Variants in OSBPL10 observed in about 807,000 individuals in gnomAD.
OSBPL10 encodes oxysterol-binding protein-related protein 10.
A neutral mutation model predicts 81.7 loss-of-function variants in OSBPL10; 49 were observed. The observed-to-expected ratio is 0.60, with a 90% CI of 0.48 to 0.76. OSBPL10 has a LOEUF of 0.76. Ranked by LOEUF, OSBPL10 falls within the 30% of genes least tolerant of loss-of-function variation. The probability of loss-of-function intolerance (pLI) is 0.00; values close to 1 mark genes in which losing one functional copy is unlikely to be tolerated. For synonymous variants in OSBPL10, 419 were observed against 383.6 expected, an observed-to-expected ratio of 1.09 and a Z score of -1.08; for missense variants, 923 against 987.8, an observed-to-expected ratio of 0.93 and a Z score of 0.88.
chr3:31,743,527 A>C (rs564496367), intron 5 of OSBPL10, among the ~76,000 whole-genome samples: 146 of 152,340 alleles, frequency 9.6e-4, no homozygotes, highest in African/African-American at 3.4e-3. Context: ...TGTTTGAAAC[A>C]AAAACAGCGT....
intron 1 of OSBPL10, among the ~76,000 whole-genome samples, chr3:32,071,721 C>T (rs1485176874): frequency 6.6e-6 from 1 of 152,232 alleles, no homozygotes; most frequent in African/African-American, 2.4e-5. Context: ...GACACATATA[C>T]TTTCTGCTCC....
At chr3:32,009,159 A>G (rs1310803967) in intron 2 of OSBPL10, among the ~76,000 whole-genome samples, 1 of 152,226 alleles carries the variant, frequency 6.6e-6, no homozygotes, top group Non-Finnish European at 1.5e-5. Context: ...TAGTCCTGCT[A>G]AGTAGGAACT....
At chr3:31,812,944 TAGAAC>T (rs987814319) in intron 4 of OSBPL10, among the ~76,000 whole-genome samples, 5 of 152,150 alleles carry the variant, frequency 3.3e-5, no homozygotes, top group African/African-American at 4.8e-5. Context: ...GCTCAAAATA[TAGAAC>T]AGAAGTTTTT....
chr3:32,033,359 C>T (rs79708314), intron 2 of OSBPL10, among the ~76,000 whole-genome samples: 3,643 of 152,188 alleles, frequency 0.024, 75 homozygotes, highest in East Asian at 0.096. Flanking sequence ...TGACAAACCA[C>T]GGATGCCAGT....
chr3:32,034,105 C>T (rs1207962344), intron 2 of OSBPL10, among the ~76,000 whole-genome samples: 3 of 152,118 alleles, frequency 2.0e-5, no homozygotes, highest in Non-Finnish European at 2.9e-5. Context: ...ACCATCAGAT[C>T]TCATGAGCCT....
At chr3:31,887,093 A>G (rs1695757645) in intron 1 of OSBPL10, among the ~76,000 whole-genome samples, 1 of 152,042 alleles carries the variant, frequency 6.6e-6, no homozygotes, top group African/African-American at 2.4e-5. Flanking sequence ...GTTCCCACTA[A>G]AAGATTTGCC....
intron 6 of OSBPL10, among the ~76,000 whole-genome samples, chr3:31,712,857 T>G (rs1400977761): frequency 6.6e-6 from 1 of 152,254 alleles, no homozygotes; most frequent in Non-Finnish European, 1.5e-5. Context: ...CTCATCTCAG[T>G]AAATAACAGC....
At chr3:32,019,303 A>T (rs1699341385) in intron 2 of OSBPL10, among the ~76,000 whole-genome samples, 1 of 152,192 alleles carries the variant, frequency 6.6e-6, no homozygotes, top group Non-Finnish European at 1.5e-5. Flanking sequence ...ATATTTAGGG[A>T]AGTTTACCAA....
In OSBPL10 at chr3:31,961,540, T is replaced by C. The variant is rs531792138; in HGVS notation, c.281+19359A>G. Among the ~76,000 whole-genome samples, 17 of 152,286 alleles carry C rather than the reference T, an allele frequency of 1.1e-4. No individual in the cohort carries two copies. The East Asian group carries it at 1.5e-3, about 14-fold the overall frequency. On this transcript the variant is annotated intron_variant, in intron 1 of 11. Transcript: ENST00000396556. ...AGAGTGTGTGTGTTAATAATGTTAA[T>C]AATGCTAATAATGCTGGGAGGGGGC...
chr3:32,046,290 A>G lies in OSBPL10; in HGVS notation n.298+201T>C, dbSNP rs79473506. ...AAATACTGCTTACTTTTAAAAATTG[A>G]CGCCCTCATCAAAATGTGTTAAAAT... On this transcript the variant is annotated intron_variant and non_coding_transcript_variant, in intron 2 of 3. Transcript: ENST00000479173. 4.8e-3 allele frequency among the ~76,000 whole-genome samples: 729 copies of G among 152,254 alleles called. 19 individuals carry two copies. The East Asian group carries it at 0.088, about 18-fold the overall frequency.
At position 31,892,634 on chromosome 3, in the gene OSBPL10, C is replaced by T. The variant is rs144572282; in HGVS notation, c.282-12804G>A. 2.2e-3 allele frequency among the ~76,000 whole-genome samples: 336 copies of T among 152,342 alleles called. 2 individuals are homozygous for T. The highest frequency in any genetic ancestry group is 7.2e-3 in the African/African-American group (301 of 41,576). ...GAACAAGCAGAGCTTGGGGATCATG[C>T]CTGGGCTGTCCCCAGCCTCCTCCTA... On this transcript the variant is annotated intron_variant, in intron 1 of 11. Coordinates refer to ENST00000396556, the MANE Select transcript of OSBPL10 (RefSeq NM_017784.5).
intron 1 of OSBPL10, among the ~76,000 whole-genome samples, chr3:31,920,114 A>AAAG (rs1696868226): frequency 1.3e-5 from 2 of 152,212 alleles, no homozygotes; most frequent in Admixed American, 1.3e-4. Context: ...GTAAAACTAT[A>AAAG]AAGACATTAT....
At chr3:31,747,116 C>T (rs1697550219) in intron 5 of OSBPL10, among the ~76,000 whole-genome samples, 1 of 152,144 alleles carries the variant, frequency 6.6e-6, no homozygotes, top group East Asian at 1.9e-4. Context: ...AGGTGGATCA[C>T]CTGAGGTCAG....
At position 31,915,374 on chromosome 3, in the gene OSBPL10, A is replaced by G. The variant is rs988226033; in HGVS notation, c.282-35544T>C. On this transcript the variant is annotated intron_variant, in intron 1 of 11. Coordinates refer to ENST00000396556, the MANE Select transcript of OSBPL10 (RefSeq NM_017784.5). ...ATGGAATCAACTTAAGTGCCTGTCA[A>G]TGGTGGACTGGATATATAAAATGTG... 3.3e-5 allele frequency among the ~76,000 whole-genome samples: 5 copies of G among 152,140 alleles called. No homozygotes were observed. In the East Asian group the frequency reaches 5.8e-4, roughly 18 times the overall value.
chr3:31,910,508 C>T (rs750642904), intron 1 of OSBPL10, among the ~76,000 whole-genome samples: 3 of 151,882 alleles, frequency 2.0e-5, no homozygotes, highest in Admixed American at 6.6e-5. Context: ...TGGTGGCACG[C>T]GCCTGTAATC....
chr3:31,753,548 T>C (rs992871497), intron 4 of OSBPL10, among the ~76,000 whole-genome samples: 8 of 152,166 alleles, frequency 5.3e-5, no homozygotes, highest in African/African-American at 1.7e-4. Flanking sequence ...TGCCTTAACA[T>C]GGCTGCTTTA....
At position 31,735,563 on chromosome 3, in the gene OSBPL10, G is replaced by C. The variant is rs907249102; in HGVS notation, c.941-2152C>G. On this transcript the variant is annotated intron_variant, in intron 5 of 11. Coordinates refer to ENST00000396556, the MANE Select transcript of OSBPL10 (RefSeq NM_017784.5). ...TTTGTTCTCTTCTCCCCATTGCTTA[G>C]TATGCTCAAGTCACATCAGTATTTT... is the stretch of plus-strand genomic sequence containing the variant. 7.2e-5 allele frequency among the ~76,000 whole-genome samples: 11 copies of C among 152,188 alleles called. 1 individual carries two copies. The highest frequency in any genetic ancestry group is 1.5e-4 in the Non-Finnish European group (10 of 68,028).
At chr3:31,748,176 G>T in intron 4 of OSBPL10, 56 bp from the exon 5 acceptor site, 1 of 1,492,148 alleles carries the variant, frequency 6.7e-7, no homozygotes. Context: ...TCGACAGGCT[G>T]GGGAGGCGGC....
At chr3:31,763,441 C>A (rs539127257) in intron 4 of OSBPL10, among the ~76,000 whole-genome samples, 3 of 152,192 alleles carry the variant, frequency 2.0e-5, no homozygotes, top group Non-Finnish European at 4.4e-5. Flanking sequence ...TCATACTCCA[C>A]ACACATATCT....
Sources: allele counts gnomAD v4.1 joint callset (sites outside exome capture counted in the v4.1 genomes callset), GRCh38; gene constraint gnomAD v4.1.1; transcripts MANE v1.5; gene names NCBI Gene and HGNC (gene_info 2026-07-23, HGNC 2026-07-21).